The following NADSYN1 variants were observed in gnomAD, a reference collection of about 807,000 sequenced individuals.
NADSYN1 encodes NAD synthetase 1.
In NADSYN1, 80 loss-of-function variants were observed where a neutral mutation model predicts 99.3. The ratio of observed to expected loss-of-function variants is 0.81; its 90% CI spans 0.67 to 0.97. NADSYN1 has a LOEUF of 0.97. NADSYN1 is among the 50% of genes least tolerant of loss of function. NADSYN1 has a pLI of 0.00. For synonymous variants in NADSYN1, 385 were observed against 372.1 expected, an observed-to-expected ratio of 1.03 and a Z score of -0.40; for missense variants, 859 against 948.5, an observed-to-expected ratio of 0.91 and a Z score of 1.24.
chr11:71,471,855 G>A (rs11233800), intron 5 of NADSYN1, among the ~76,000 whole-genome samples: 8,444 of 152,126 alleles, frequency 0.056, 422 homozygotes, highest in East Asian at 0.2. Context: ...AAAAGGAAAC[G>A]GAGTTCCTTG....
intron 3 of NADSYN1, among the ~76,000 whole-genome samples, chr11:71,462,476 C>T (rs1442494899): frequency 1.3e-5 from 2 of 152,158 alleles, no homozygotes; most frequent in Non-Finnish European, 2.9e-5. Context: ...CAGTGCCCAT[C>T]TTGTATGTAT....
chr11:71,461,982 C>T (rs1455074820), intron 3 of NADSYN1, among the ~76,000 whole-genome samples: 1 of 152,208 alleles, frequency 6.6e-6, no homozygotes, highest in Non-Finnish European at 1.5e-5. Flanking sequence ...GGCAGTGGTG[C>T]CCCTGCATGC....
chr11:71,486,317 A>G (rs1359627331), intron 16 of NADSYN1, among the ~76,000 whole-genome samples: 1 of 152,164 alleles, frequency 6.6e-6, no homozygotes, highest in East Asian at 1.9e-4. Context: ...CCATCCATCT[A>G]TCCACCCATC....
intron 1 of NADSYN1, among the ~76,000 whole-genome samples, chr11:71,454,597 C>A (rs937499549): frequency 7.0e-6 from 1 of 143,036 alleles, no homozygotes. Context: ...AAGGCTTGGC[C>A]AAAACTAAGT....
At chr11:71,477,527 T>C (rs1949677512) in intron 9 of NADSYN1, 1 of 1,065,288 alleles carries the variant, frequency 9.4e-7, no homozygotes, top group Non-Finnish European at 1.2e-6. Context: ...GCAGGTGCTG[T>C]TCCCGCTGTC....
At chr11:71,476,814 C>G in intron 9 of NADSYN1, 8 of 985,796 alleles carry the variant, frequency 8.1e-6, no homozygotes, top group Non-Finnish European at 9.6e-6. Context: ...AGGTTCCCGG[C>G]CCCACATCAA....
intron 18 of NADSYN1, chr11:71,496,528 C>A (rs1949820260): frequency 6.6e-6 from 1 of 152,286 alleles, no homozygotes; most frequent in Non-Finnish European, 1.5e-5. Flanking sequence ...CTCGCCCCTC[C>A]CCTCACCTCC....
At position 71,479,972 on chromosome 11, in the gene NADSYN1, G is replaced by A. The variant is rs988557087; in HGVS notation, c.874-783G>A. 2.0e-4 allele frequency: 30 copies of A among 152,204 alleles called. 2 individuals carry two copies. The highest frequency in any genetic ancestry group is 4.4e-5 in the Non-Finnish European group (3 of 68,044). 9.4% of individuals were successfully genotyped at this position (152,204 alleles called of 1,614,324 possible). On this transcript the variant is annotated intron_variant, in intron 10 of 20. Coordinates refer to ENST00000319023, the MANE Select transcript of NADSYN1 (RefSeq NM_018161.5). ...AGTGTTCCGTAGCGGGGATGGACAC[G>A]TGTTCATTCACTCTTCCACTGATGG...
chr11:71,498,197 C>T (rs1949833230), intron 19 of NADSYN1, among the ~76,000 whole-genome samples, 155 bp from the exon 20 acceptor site: 1 of 152,224 alleles, frequency 6.6e-6, no homozygotes, highest in Non-Finnish European at 1.5e-5. Context: ...GTGTCCCCGG[C>T]CTGAGCACGG....
chr11:71,493,787 G>C (rs1166102234), intron 18 of NADSYN1, among the ~76,000 whole-genome samples: 3 of 152,064 alleles, frequency 2.0e-5, no homozygotes, highest in African/African-American at 2.4e-5. Flanking sequence ...CAATGTATTT[G>C]TGTTTTAAGC....
At chr11:71,462,974 A>G (rs924287324) in intron 3 of NADSYN1, among the ~76,000 whole-genome samples, 1 of 152,110 alleles carries the variant, frequency 6.6e-6, no homozygotes, top group Non-Finnish European at 1.5e-5. Context: ...GCGTGAAGCC[A>G]AGACCCAGTC....
At chr11:71,482,454 G>A (rs1212915723) in intron 13 of NADSYN1, among the ~76,000 whole-genome samples, 7 of 151,446 alleles carry the variant, frequency 4.6e-5, no homozygotes, top group Non-Finnish European at 7.4e-5. Context: ...GGTGTAGACC[G>A]GGGTGCAGCC....
At chr11:71,477,441 A>AC in intron 9 of NADSYN1, 4 of 1,289,680 alleles carry the variant, frequency 3.1e-6, no homozygotes, top group Non-Finnish European at 4.0e-6. Context: ...CCGGCCAGGT[A>AC]TGGCCCCCTG....
intron 16 of NADSYN1, among the ~76,000 whole-genome samples, chr11:71,486,999 T>G (rs542936800): frequency 8.6e-5 from 13 of 151,928 alleles, no homozygotes; most frequent in South Asian, 8.3e-4. Flanking sequence ...GTAGAGACGG[T>G]GTTTCACCGT....
intron 3 of NADSYN1, among the ~76,000 whole-genome samples, chr11:71,462,544 G>A (rs938474345): frequency 2.0e-5 from 3 of 152,130 alleles, no homozygotes; most frequent in Admixed American, 1.3e-4. Flanking sequence ...CCTGACCACC[G>A]CAGGCACGTG....
At chr11:71,478,734 G>A (rs1042848072) in intron 10 of NADSYN1, 8 of 429,868 alleles carry the variant, frequency 1.9e-5, no homozygotes, top group East Asian at 4.3e-5. Context: ...GACAGTCAGC[G>A]TGCTAGGGGC....
At chr11:71,495,443 T>C (rs1294362450) in intron 18 of NADSYN1, among the ~76,000 whole-genome samples, 1 of 152,246 alleles carries the variant, frequency 6.6e-6, no homozygotes, top group African/African-American at 2.4e-5. Flanking sequence ...CAGCAGATGG[T>C]CTGACCTGGG....
At chr11:71,477,069 G>A (rs1171915785) in intron 9 of NADSYN1, 1 of 1,098,090 alleles carries the variant, frequency 9.1e-7, no homozygotes, top group African/African-American at 1.7e-5. Flanking sequence ...CAGAAGTCTT[G>A]TGACACGTGG....
intron 9 of NADSYN1, chr11:71,477,437 AGG>A: frequency 3.1e-6 from 4 of 1,289,732 alleles, no homozygotes; most frequent in Non-Finnish European, 4.0e-6. Flanking sequence ...ATCTCCGGCC[AGG>A]TATGGCCCCC....
Sources: gnomAD v4.1 joint callset for allele counts (sites outside exome capture counted in the v4.1 genomes callset) on GRCh38, gnomAD v4.1.1 for gene constraint, MANE v1.5 for transcripts, NCBI Gene and HGNC (gene_info 2026-07-23, HGNC 2026-07-21) for gene names.